Variants in FRMD3 observed in about 807,000 individuals in gnomAD.
FRMD3 encodes the protein FERM domain containing 3.
FRMD3 carries 33 observed loss-of-function variants against 70.2 expected under a neutral mutation model. The observed-to-expected ratio is 0.47, with a 90% CI of 0.36 to 0.63. FRMD3 has a LOEUF of 0.63. Ranked by LOEUF, FRMD3 falls within the 20% of genes least tolerant of loss-of-function variation. The probability of loss-of-function intolerance (pLI) is 0.00; values close to 1 mark genes in which losing one functional copy is unlikely to be tolerated. For synonymous variants in FRMD3, 279 were observed against 255.9 expected (o/e 1.09, Z -0.86); for missense variants, 632 against 711.4 (o/e 0.89, Z 1.27).
intron 1 of FRMD3, among the ~76,000 whole-genome samples, chr9:83,485,144 C>T (rs1387157017): frequency 2.6e-5 from 4 of 152,198 alleles, no homozygotes; most frequent in Admixed American, 6.5e-5. Context: ...ACCAGAGGGG[C>T]TGGGAAAGCC....
the FRMD3 span, among the ~76,000 whole-genome samples, chr9:83,574,242 C>G: frequency 6.6e-6 from 1 of 152,126 alleles, no homozygotes; most frequent in Non-Finnish European, 1.5e-5. Context: ...CAGGTATGAC[C>G]CTTTCTGATT....
intron 1 of FRMD3, among the ~76,000 whole-genome samples, chr9:83,464,588 G>C (rs1828067374): frequency 6.6e-6 from 1 of 152,140 alleles, no homozygotes; most frequent in African/African-American, 2.4e-5. Flanking sequence ...CAATCTGATC[G>C]AAACCCATGA....
chr9:83,385,992 GAAT>G (rs767423484), intron 2 of FRMD3, among the ~76,000 whole-genome samples: 1 of 152,034 alleles, frequency 6.6e-6, no homozygotes, highest in East Asian at 1.9e-4. Context: ...ATAATTGTAA[GAAT>G]AATAATAACA....
At chr9:83,465,552 T>C (rs748362234) in intron 1 of FRMD3, among the ~76,000 whole-genome samples, 33 of 152,244 alleles carry the variant, frequency 2.2e-4, no homozygotes, top group Non-Finnish European at 3.8e-4. Flanking sequence ...CTTTTGATTT[T>C]CCTTTGTTTT....
chr9:83,493,650 G>A (rs1335923149), intron 1 of FRMD3, among the ~76,000 whole-genome samples: 1 of 152,200 alleles, frequency 6.6e-6, no homozygotes, highest in Non-Finnish European at 1.5e-5. Flanking sequence ...CCTTTAAGAT[G>A]TAAACGTGAC....
intron 1 of FRMD3, among the ~76,000 whole-genome samples, chr9:83,487,600 A>T (rs1285629308): frequency 6.6e-6 from 1 of 152,232 alleles, no homozygotes; most frequent in East Asian, 1.9e-4. Context: ...GTACTGAAAA[A>T]GTGCCAGCCC....
Position 83,274,588 on chromosome 9 carries a change from T to G in FRMD3, c.1195+16015A>C, listed in dbSNP as rs530239899. Among the ~76,000 whole-genome samples the G allele has an allele frequency of 2.0e-4, 31 of 152,068 alleles. No individual in the cohort carries two copies. In the South Asian group the frequency reaches 5.6e-3, roughly 28 times the overall value. ...GAAGGAAGGAATTGGCACAGACAGG[T>G]GGTGCTGGAAGGAGAAGCTTTGTCT... On this transcript the variant is annotated intron_variant, in intron 13 of 13. Transcript: ENST00000304195.
chr9:83,316,940 C>T (rs1024494239), intron 6 of FRMD3, among the ~76,000 whole-genome samples: 2 of 152,114 alleles, frequency 1.3e-5, no homozygotes, highest in African/African-American at 4.8e-5. Context: ...TGCAGTGGCT[C>T]ATGCCTGTTA....
rs1277062502 is a variant in FRMD3, at chr9:83,301,644, T to G, written c.927-2458A>C. ...AAGCCGGCGCAGGTGTGAGTCAACCTCCTGGCCACTCAGGTGGCTCTTTTT... is the reference window on the plus strand; with the variant it reads ...AAGCCGGCGCAGGTGTGAGTCAACCGCCTGGCCACTCAGGTGGCTCTTTTT... On this transcript the variant is annotated intron_variant, in intron 10 of 13. Coordinates refer to ENST00000304195, the MANE Select transcript of FRMD3 (RefSeq NM_174938.6). Among the ~76,000 whole-genome samples the G allele has an allele frequency of 4.6e-5, 7 of 152,180 alleles. No homozygotes were observed. In the East Asian group the frequency reaches 1.3e-3, roughly 29 times the overall value.
At chr9:83,329,093 C>A (rs1332960324) in intron 6 of FRMD3, among the ~76,000 whole-genome samples, 2 of 152,154 alleles carry the variant, frequency 1.3e-5, no homozygotes, top group African/African-American at 2.4e-5. Flanking sequence ...ATGGCTTGGA[C>A]ATGCACACCA....
chr9:83,489,425 C>T (rs1181841197), intron 1 of FRMD3, among the ~76,000 whole-genome samples: 1 of 152,096 alleles, frequency 6.6e-6, no homozygotes, highest in Non-Finnish European at 1.5e-5. Flanking sequence ...AAACAAACAA[C>T]CCCATTAAAA....
At chr9:83,519,648 T>C (rs1257149252) in intron 1 of FRMD3, among the ~76,000 whole-genome samples, 1 of 152,202 alleles carries the variant, frequency 6.6e-6, no homozygotes, top group African/African-American at 2.4e-5. Context: ...ACTGGGTATA[T>C]ACCCAAAGGA....
intron 1 of FRMD3, among the ~76,000 whole-genome samples, chr9:83,512,280 C>G (rs879894970): frequency 2.6e-5 from 4 of 152,180 alleles, no homozygotes; most frequent in Admixed American, 2.6e-4. Context: ...GTTCCAGGCA[C>G]TGGGGATATT....
intron 13 of FRMD3, among the ~76,000 whole-genome samples, chr9:83,272,949 G>A (rs1356982118): frequency 6.0e-5 from 9 of 150,042 alleles, no homozygotes; most frequent in Non-Finnish European, 1.2e-4. Context: ...CCCGGCAGCC[G>A]CCCCGTCTGG....
At chr9:83,513,048 C>A (rs958253824) in intron 1 of FRMD3, among the ~76,000 whole-genome samples, 8 of 152,176 alleles carry the variant, frequency 5.3e-5, no homozygotes, top group Non-Finnish European at 1.2e-4. Context: ...TACAAGCCCA[C>A]CAGAGAGAAT....
chr9:83,444,359 C>T (rs1369643568), intron 1 of FRMD3, among the ~76,000 whole-genome samples: 1 of 152,338 alleles, frequency 6.6e-6, no homozygotes, highest in South Asian at 2.1e-4. Context: ...TTCCCACATC[C>T]CTAGTAATGG....
intron 1 of FRMD3, chr9:83,467,617 C>G (rs1252777129): frequency 1.3e-6 from 2 of 1,525,160 alleles, no homozygotes; most frequent in Non-Finnish European, 1.8e-6. Flanking sequence ...CTGACACATA[C>G]CTTTGAAAGC....
At chr9:83,458,033 G>A (rs947945681) in intron 1 of FRMD3, among the ~76,000 whole-genome samples, 1 of 149,422 alleles carries the variant, frequency 6.7e-6, no homozygotes, top group Non-Finnish European at 1.5e-5. Flanking sequence ...CAGGAGCTGG[G>A]TCACCTAGAT....
intron 10 of FRMD3, among the ~76,000 whole-genome samples, chr9:83,303,383 C>T (rs1380290770): frequency 6.6e-6 from 1 of 152,190 alleles, no homozygotes; most frequent in African/African-American, 2.4e-5. Context: ...GGCTATAAAT[C>T]CTAGTCTGTC....
Sources: gnomAD v4.1 joint callset for allele counts (sites outside exome capture counted in the v4.1 genomes callset) on GRCh38, gnomAD v4.1.1 for gene constraint, MANE v1.5 for transcripts, NCBI Gene and HGNC (gene_info 2026-07-23, HGNC 2026-07-21) for gene names.